PCED1B: variants seen among roughly 807,000 people sequenced by gnomAD.
PCED1B encodes PC-esterase domain containing 1B.
For synonymous variants in PCED1B, 251 were observed against 246.1 expected, an observed-to-expected ratio of 1.02 and a Z score of -0.19; for missense variants, 573 against 573.9, an observed-to-expected ratio of 1.00 and a Z score of 0.02.
intron 2 of PCED1B, among the ~76,000 whole-genome samples, chr12:47,185,792 CAAA>C (rs58425348): frequency 4.4e-5 from 6 of 136,114 alleles, no homozygotes; most frequent in Admixed American, 3.1e-4. Flanking sequence ...GACTCAGTCT[CAAA>C]AAAAAAAAAA....
At chr12:47,178,446 G>T (rs1363094711) in intron 2 of PCED1B, among the ~76,000 whole-genome samples, 1 of 152,182 alleles carries the variant, frequency 6.6e-6, no homozygotes, top group Non-Finnish European at 1.5e-5. Flanking sequence ...GCTGCCTCAG[G>T]AAATTTCATG....
intron 3 of PCED1B, among the ~76,000 whole-genome samples, chr12:47,234,396 A>G (rs1193310136): frequency 6.6e-6 from 1 of 152,240 alleles, no homozygotes; most frequent in Non-Finnish European, 1.5e-5. Context: ...TGTAAAGAAT[A>G]TTTACAAAAA....
intron 2 of PCED1B, chr12:47,210,354 A>T (rs535133181): frequency 6.6e-6 from 1 of 152,378 alleles, no homozygotes; most frequent in Admixed American, 6.5e-5. Flanking sequence ...CTTAGAAATC[A>T]TGACTAACAA....
At chr12:47,124,432 T>C (rs1398103074) in intron 2 of PCED1B, among the ~76,000 whole-genome samples, 2 of 151,706 alleles carry the variant, frequency 1.3e-5, no homozygotes, top group African/African-American at 4.9e-5. Context: ...TGACAAGCAT[T>C]TGTGTTTTTC....
At chr12:47,083,812 C>T (rs576512366) in intron 1 of PCED1B, among the ~76,000 whole-genome samples, 6 of 152,220 alleles carry the variant, frequency 3.9e-5, no homozygotes, top group Admixed American at 3.3e-4. Flanking sequence ...ACTGCATGTC[C>T]TCCCCAGGAA....
chr12:47,164,636 A>G (rs1430204417), intron 2 of PCED1B, among the ~76,000 whole-genome samples: 2 of 152,206 alleles, frequency 1.3e-5, no homozygotes. Flanking sequence ...CCACAGATCC[A>G]CTAGGCATTG....
intron 3 of PCED1B, among the ~76,000 whole-genome samples, chr12:47,232,569 G>T (rs1250261689): frequency 6.6e-6 from 1 of 152,206 alleles, no homozygotes; most frequent in Non-Finnish European, 1.5e-5. Flanking sequence ...AAGCCGCACC[G>T]GATTTTCAAG....
At chr12:47,224,601 T>C (rs1057487913) in intron 3 of PCED1B, among the ~76,000 whole-genome samples, 5 of 152,224 alleles carry the variant, frequency 3.3e-5, no homozygotes, top group African/African-American at 9.6e-5. Flanking sequence ...AGTTTGAAGA[T>C]CTTTATTCTA....
At chr12:47,185,794 A>G (rs1454016788) in intron 2 of PCED1B, among the ~76,000 whole-genome samples, 1 of 20,812 alleles carries the variant, frequency 4.8e-5, no homozygotes, top group Non-Finnish European at 1.2e-4. Context: ...CTCAGTCTCA[A>G]AAAAAAAAAA....
chr12:47,156,460 T>C (rs144811423), intron 2 of PCED1B, among the ~76,000 whole-genome samples: 6 of 152,254 alleles, frequency 3.9e-5, no homozygotes, highest in African/African-American at 1.4e-4. Context: ...GGTTCCAGTC[T>C]TGCTCCCTGC....
chr12:47,090,623 C>T (rs1592130275), intron 1 of PCED1B, among the ~76,000 whole-genome samples: 1 of 152,138 alleles, frequency 6.6e-6, no homozygotes. Context: ...ACTAATTTCC[C>T]AGTGGTAACC....
intron 3 of PCED1B, among the ~76,000 whole-genome samples, chr12:47,222,641 T>G (rs1341643351): frequency 6.6e-6 from 1 of 152,194 alleles, no homozygotes; most frequent in Admixed American, 6.5e-5. Context: ...TAACTTTACA[T>G]GTGTTCATTT....
chr12:47,236,034 T>G lies in PCED1B; in HGVS notation c.971T>G (p.Ile324Ser). 1 of 1,612,536 alleles carries G rather than the reference T, an allele frequency of 6.2e-7. No homozygotes were observed. Among genetic ancestry groups the G allele is most frequent in the Non-Finnish European group, 8.5e-7 (1 of 1,179,524 alleles). The change falls in exon 4 of 4, where the codon ATT (isoleucine) becomes AGT (serine). Residue 324 changes from isoleucine (I) to serine (S), a missense_variant. By Grantham distance (142) the Ile-to-Ser change is moderately radical. Coordinates refer to ENST00000546455, the MANE Select transcript of PCED1B (RefSeq NM_138371.3). Reference sequence around the variant, plus strand: ...CTGTCCCCACAGCCTCCTCCTCCCATTCTCCATCACCAGGGAATGCCCCGG... The same window carrying G: ...CTGTCCCCACAGCCTCCTCCTCCCAGTCTCCATCACCAGGGAATGCCCCGG... Reference protein sequence around the residue: ...PLLSPQPPPPILHHQGMPRFP... With the variant: ...PLLSPQPPPPSLHHQGMPRFP...
chr12:47,193,649 T>C (rs1421425131), intron 2 of PCED1B, among the ~76,000 whole-genome samples: 1 of 152,178 alleles, frequency 6.6e-6, no homozygotes, highest in Non-Finnish European at 1.5e-5. Flanking sequence ...CAGCCCTGAG[T>C]AGCTTCAATC....
chr12:47,224,772 A>T (rs1943584531), intron 3 of PCED1B, among the ~76,000 whole-genome samples: 1 of 152,180 alleles, frequency 6.6e-6, no homozygotes, highest in Non-Finnish European at 1.5e-5. Context: ...GTGCAGTAAC[A>T]GCTGTCATAG....
At chr12:47,228,259 C>T (rs1370141592) in intron 3 of PCED1B, among the ~76,000 whole-genome samples, 14 of 152,100 alleles carry the variant, frequency 9.2e-5, no homozygotes, top group Non-Finnish European at 2.9e-5. Flanking sequence ...TGGTCCTGAC[C>T]TCAGGTGATC....
At chr12:47,197,537 G>A (rs1207248310) in intron 2 of PCED1B, among the ~76,000 whole-genome samples, 1 of 151,814 alleles carries the variant, frequency 6.6e-6, no homozygotes, top group Non-Finnish European at 1.5e-5. Flanking sequence ...AAACCCAAAA[G>A]GCGGAGGTTG....
intron 2 of PCED1B, among the ~76,000 whole-genome samples, chr12:47,214,450 C>T (rs189448917): frequency 1.2e-4 from 19 of 152,080 alleles, no homozygotes; most frequent in Non-Finnish European, 2.4e-4. Context: ...TGGCTTCCTC[C>T]CTACTTCTAG....
chr12:47,167,212 G>A (rs961353940), intron 2 of PCED1B, among the ~76,000 whole-genome samples: 5 of 151,962 alleles, frequency 3.3e-5, no homozygotes, highest in Non-Finnish European at 7.4e-5. Flanking sequence ...CTTTTTCTGT[G>A]TCTGTTGGTC....
Sources: gnomAD v4.1 joint callset for allele counts (sites outside exome capture counted in the v4.1 genomes callset) on GRCh38, gnomAD v4.1.1 for gene constraint, MANE v1.5 for transcripts, NCBI Gene and HGNC (gene_info 2026-07-23, HGNC 2026-07-21) for gene names.